SLC4A4: variants seen among roughly 807,000 people sequenced by gnomAD.
SLC4A4 encodes the protein solute carrier family 4 member 4.
A neutral mutation model predicts 111.5 loss-of-function variants in SLC4A4; 27 were observed. The observed-to-expected ratio is 0.24, with a 90% confidence interval of 0.18 to 0.33. The LOEUF is 0.33. Ranked by LOEUF, SLC4A4 falls within the 10% of genes least tolerant of loss-of-function variation. The probability of loss-of-function intolerance (pLI) is 1.00; values close to 1 mark genes in which losing one functional copy is unlikely to be tolerated. For missense variants in SLC4A4, 909 were observed against 1,315.5 expected (o/e 0.69, Z 4.78); for synonymous variants, 443 against 463.4 (o/e 0.96, Z 0.57).
chr4:71,484,639 CT>C (rs933896564), intron 14 of SLC4A4, among the ~76,000 whole-genome samples: 3 of 151,176 alleles, frequency 2.0e-5, no homozygotes, highest in Non-Finnish European at 4.4e-5. Context: ...TATTTGGGCT[CT>C]TTTTTGTTTC....
At chr4:71,107,798 C>T (rs1369762627) in intron 2 of SLC4A4, among the ~76,000 whole-genome samples, 1 of 151,924 alleles carries the variant, frequency 6.6e-6, no homozygotes, top group African/African-American at 2.4e-5. Context: ...GCCTCAAACT[C>T]CTGTGCTTAA....
chr4:71,139,602 T>G (rs551941192), intron 2 of SLC4A4, among the ~76,000 whole-genome samples: 1 of 152,352 alleles, frequency 6.6e-6, no homozygotes, highest in South Asian at 2.1e-4. Context: ...CATCTGCGAA[T>G]GTCTCCATCT....
intron 1 of SLC4A4, among the ~76,000 whole-genome samples, chr4:71,207,189 C>G (rs1421227787): frequency 6.6e-6 from 1 of 152,064 alleles, no homozygotes; most frequent in African/African-American, 2.4e-5. Flanking sequence ...GCTGAAAGGA[C>G]AATAAGAAGA....
At chr4:71,089,019 C>T (rs563197612) in intron 1 of SLC4A4, among the ~76,000 whole-genome samples, 8 of 152,230 alleles carry the variant, frequency 5.3e-5, no homozygotes, top group Non-Finnish European at 8.8e-5. Context: ...TGGTTCCATT[C>T]TGTCTGTCAC....
At chr4:71,122,018 A>G (rs1354714912) in intron 2 of SLC4A4, among the ~76,000 whole-genome samples, 1 of 152,062 alleles carries the variant, frequency 6.6e-6, no homozygotes, top group Non-Finnish European at 1.5e-5. Context: ...CTGCAGCTTC[A>G]CTCCTGAAGC....
chr4:71,397,983 G>A (rs1027321543), intron 7 of SLC4A4, among the ~76,000 whole-genome samples: 17 of 152,038 alleles, frequency 1.1e-4, no homozygotes, highest in African/African-American at 3.9e-4. Context: ...AAAATACTTT[G>A]GTAAATTATA....
At chr4:71,283,744 C>T (rs1178423060) in intron 3 of SLC4A4, among the ~76,000 whole-genome samples, 1 of 152,176 alleles carries the variant, frequency 6.6e-6, no homozygotes, top group Non-Finnish European at 1.5e-5. Context: ...TACTTTTCCT[C>T]TACAACATTT....
At chr4:71,096,889 G>T (rs781527072) in intron 2 of SLC4A4, among the ~76,000 whole-genome samples, 1 of 152,104 alleles carries the variant, frequency 6.6e-6, no homozygotes, top group African/African-American at 2.4e-5. Context: ...CTGTCTCTGC[G>T]AACATAATCA....
intron 1 of SLC4A4, among the ~76,000 whole-genome samples, chr4:71,220,081 A>T (rs910169538): frequency 6.6e-6 from 1 of 152,232 alleles, no homozygotes; most frequent in Non-Finnish European, 1.5e-5. Context: ...ATTGACTCCA[A>T]TTTTGGAAAA....
At position 71,165,565 on chromosome 4, in the gene SLC4A4, C is replaced by A. The variant is rs1744721887; in HGVS notation, c.-1-71011C>A. Among the ~76,000 whole-genome samples the A allele has an allele frequency of 1.3e-5, 2 of 151,728 alleles. 1 individual carries two copies. The highest frequency in any genetic ancestry group is 4.2e-4 in the South Asian group (2 of 4,796). On this transcript the variant is annotated intron_variant, in intron 2 of 26. Transcript: ENST00000649996. ...TTGGGGCCTGTCAGGGGGTGGGGGA[C>A]TAGGGGACAGGATAGCATTAGGAGA... is the stretch of plus-strand genomic sequence containing the variant.
At chr4:71,381,535 C>T (rs1048301559) in intron 6 of SLC4A4, among the ~76,000 whole-genome samples, 3 of 152,216 alleles carry the variant, frequency 2.0e-5, no homozygotes, top group African/African-American at 7.2e-5. Flanking sequence ...CCTTTAGTGG[C>T]GATAATTTTA....
rs75095622 is a variant in SLC4A4 at position 71,507,608 on chromosome 4, C to T, written c.2166+9916C>T. Among the ~76,000 whole-genome samples the T allele has an allele frequency of 9.1e-3, 1,385 of 152,178 alleles. 21 individuals are homozygous for T. Among genetic ancestry groups the T allele is most frequent in the African/African-American group, 0.03 (1,262 of 41,510 alleles). ...ATTTAAAAAGCAAGTTATTAGAGAC[C>T]GTCAAAGTGACTTAGACTCCCACAC... On this transcript the variant is annotated intron_variant, in intron 16 of 25. Coordinates refer to ENST00000264485, the MANE Select transcript of SLC4A4 (RefSeq NM_001098484.3).
chr4:71,255,096 T>G (rs1188622038), intron 2 of SLC4A4, 124 bp from the exon 3 acceptor site: 79 of 978,040 alleles, frequency 8.1e-5, no homozygotes, highest in Non-Finnish European at 1.1e-4. Flanking sequence ...TTCTAGAGTT[T>G]GCCAAATATA....
At chr4:71,501,525 A>G (rs1730921429) in intron 16 of SLC4A4, among the ~76,000 whole-genome samples, 1 of 148,706 alleles carries the variant, frequency 6.7e-6, no homozygotes, top group Non-Finnish European at 1.5e-5. Flanking sequence ...CCTTGTTATC[A>G]GGTGTAATGT....
At chr4:71,081,599 G>C (rs910038669) in intron 1 of SLC4A4, among the ~76,000 whole-genome samples, 1 of 152,036 alleles carries the variant, frequency 6.6e-6, no homozygotes, top group African/African-American at 2.4e-5. Context: ...GAACAGGGTT[G>C]GTTAGCCCTA....
intron 18 of SLC4A4, among the ~76,000 whole-genome samples, chr4:71,535,558 A>T (rs912686806): frequency 6.6e-6 from 1 of 152,160 alleles, no homozygotes; most frequent in African/African-American, 2.4e-5. Flanking sequence ...CTCCCGAAGC[A>T]TGTTGACAAT....
At chr4:71,268,455 C>T (rs545150003) in intron 3 of SLC4A4, among the ~76,000 whole-genome samples, 1 of 152,260 alleles carries the variant, frequency 6.6e-6, no homozygotes, top group South Asian at 2.1e-4. Flanking sequence ...GTCACCAGAG[C>T]ATGGAAGTGT....
intron 2 of SLC4A4, among the ~76,000 whole-genome samples, chr4:71,120,407 T>A (rs891348940): frequency 7.9e-5 from 12 of 152,166 alleles, no homozygotes; most frequent in African/African-American, 2.4e-5. Context: ...CCTAGTAGAA[T>A]CTCCACAGTG....
intron 1 of SLC4A4, among the ~76,000 whole-genome samples, chr4:71,219,005 T>A (rs1718589005): frequency 6.6e-6 from 1 of 152,156 alleles, no homozygotes; most frequent in East Asian, 1.9e-4. Context: ...GGGACTGTAT[T>A]AGTTTTTGGA....
Sources: allele counts gnomAD v4.1 joint callset (sites outside exome capture counted in the v4.1 genomes callset), GRCh38; gene constraint gnomAD v4.1.1; transcripts MANE v1.5; gene names NCBI Gene and HGNC (gene_info 2026-07-23, HGNC 2026-07-21).